RAB23: variants seen among roughly 807,000 people sequenced by gnomAD.
RAB23 encodes the protein ras-related protein Rab-23.
Under a neutral mutation model 30.0 loss-of-function variants are expected in RAB23, and 15 were observed. The observed-to-expected ratio is 0.50, with a 90% CI of 0.33 to 0.77. The LOEUF is 0.77. Among genes scored for constraint, RAB23 ranks in the 30% least tolerant of loss-of-function variants. RAB23 has a pLI of 0.02. For missense variants in RAB23, 243 were observed against 275.4 expected, an observed-to-expected ratio of 0.88 and a Z score of 0.83; for synonymous variants, 93 against 94.0, an observed-to-expected ratio of 0.99 and a Z score of 0.06.
chr6:57,201,557 T>G (rs1305592360), intron 3 of RAB23, among the ~76,000 whole-genome samples: 1 of 152,210 alleles, frequency 6.6e-6, no homozygotes, highest in East Asian at 1.9e-4. Context: ...CTTCAACAAC[T>G]TTGCACTCTT....
At chr6:57,215,219 G>C (rs1227548681) in intron 1 of RAB23, among the ~76,000 whole-genome samples, 2 of 152,110 alleles carry the variant, frequency 1.3e-5, no homozygotes, top group Admixed American at 6.6e-5. Flanking sequence ...GAGGAGAGGA[G>C]AAAGAAGATA....
At chr6:57,198,659 C>CAA (rs1304516031) in intron 3 of RAB23, among the ~76,000 whole-genome samples, 1 of 149,400 alleles carries the variant, frequency 6.7e-6, no homozygotes, top group Non-Finnish European at 1.5e-5. Flanking sequence ...CCAGCATGGG[C>CAA]AAAAGGGTGA....
chr6:57,194,524 A>C (rs934811381), intron 5 of RAB23, among the ~76,000 whole-genome samples: 27 of 152,116 alleles, frequency 1.8e-4, no homozygotes, highest in Admixed American at 3.9e-4. Flanking sequence ...TACTCTACAT[A>C]TATAGCTTAC....
intron 1 of RAB23, among the ~76,000 whole-genome samples, chr6:57,217,473 T>A (rs1201072083): frequency 6.6e-6 from 1 of 152,136 alleles, no homozygotes; most frequent in African/African-American, 2.4e-5. Flanking sequence ...CATGCTGGGC[T>A]AATTTTTGTA....
chr6:57,196,395 ATG>A (rs1765022655), intron 4 of RAB23, 53 bp downstream of exon 4: 2 of 1,599,288 alleles, frequency 1.3e-6, no homozygotes, highest in Admixed American at 3.3e-5. Context: ...AAAAATTAAG[ATG>A]TCTTAACTTT....
chr6:57,198,370 T>C (rs1447217243), intron 3 of RAB23, among the ~76,000 whole-genome samples: 3 of 151,900 alleles, frequency 2.0e-5, no homozygotes, highest in Non-Finnish European at 4.4e-5. Context: ...AAAAATTAGC[T>C]GGGTGTGGTG....
At chr6:57,219,415 G>C (rs879886608) in intron 1 of RAB23, among the ~76,000 whole-genome samples, 15 of 152,124 alleles carry the variant, frequency 9.9e-5, no homozygotes, top group Non-Finnish European at 1.0e-4. Flanking sequence ...ATTGATCTAC[G>C]GGTGTAATAC....
chr6:57,194,034 T>TA, intron 5 of RAB23, 100 bp from the exon 6 acceptor site: 2 of 1,493,948 alleles, frequency 1.3e-6, no homozygotes, highest in Non-Finnish European at 1.8e-6. Flanking sequence ...TAAACAAATT[T>TA]AAAGTTACAA....
intron 6 of RAB23, among the ~76,000 whole-genome samples, chr6:57,192,579 C>A (rs1764878427): frequency 6.6e-6 from 1 of 152,168 alleles, no homozygotes; most frequent in South Asian, 2.1e-4. Context: ...GTGCCCTGGG[C>A]TTAGATGTCT....
intron 3 of RAB23, among the ~76,000 whole-genome samples, chr6:57,206,959 A>T (rs1389257518): frequency 6.6e-6 from 1 of 152,228 alleles, no homozygotes; most frequent in Non-Finnish European, 1.5e-5. Flanking sequence ...ATAATGCCAC[A>T]TGGTATTCCA....
At chr6:57,221,464 G>A (rs1766057058) in intron 1 of RAB23, 1 of 152,472 alleles carries the variant, frequency 6.6e-6, no homozygotes, top group Admixed American at 6.5e-5. Context: ...CAAGAAACTA[G>A]GGAAGGGTGG....
At chr6:57,191,426 T>C (rs1764836279) in intron 6 of RAB23, among the ~76,000 whole-genome samples, 1 of 152,182 alleles carries the variant, frequency 6.6e-6, no homozygotes, top group African/African-American at 2.4e-5. Context: ...TCTTTGACGT[T>C]TGGAATCAGC....
chr6:57,217,555 G>A lies in RAB23; in HGVS notation c.-66+4171C>T, dbSNP rs538143662. ...AACTCCTGGCTCAAGTGATCCGCCC[G>A]CCGTGGCCTCCCAAAGTGCTGGGAC... On this transcript the variant is annotated intron_variant, in intron 1 of 6. Coordinates refer to ENST00000468148, the MANE Select transcript of RAB23 (RefSeq NM_016277.5). Among the ~76,000 whole-genome samples the A allele has an allele frequency of 5.9e-5, 9 of 152,258 alleles. No individual in the cohort carries two copies. The East Asian group carries it at 1.4e-3, about 23-fold the overall frequency.
rs534345580 is a variant in RAB23 at position 57,216,778 on chromosome 6, C to T, written c.-66+4948G>A. On this transcript the variant is annotated intron_variant, in intron 1 of 6. Coordinates refer to ENST00000468148, the MANE Select transcript of RAB23 (RefSeq NM_016277.5). Reference sequence around the variant, plus strand: ...TCTGGGAAAGGGATGGGGGAATTCCCAGAACTGAGGGTTCCTCCCTGTTTC... The same window carrying T: ...TCTGGGAAAGGGATGGGGGAATTCCTAGAACTGAGGGTTCCTCCCTGTTTC... Among the ~76,000 whole-genome samples, 31 of 152,168 alleles carry T rather than the reference C, an allele frequency of 2.0e-4. No homozygotes were observed. In the South Asian group the frequency reaches 6.4e-3, roughly 32 times the overall value.
At chr6:57,211,302 TAA>T (rs959637658) in intron 1 of RAB23, among the ~76,000 whole-genome samples, 5 of 151,662 alleles carry the variant, frequency 3.3e-5, no homozygotes, top group African/African-American at 7.3e-5. Context: ...AAAAATAAAA[TAA>T]AATAAATTAG....
At chr6:57,196,270 C>T (rs965282995) in intron 4 of RAB23, among the ~76,000 whole-genome samples, 180 bp downstream of exon 4, 20 of 152,078 alleles carry the variant, frequency 1.3e-4, no homozygotes, top group African/African-American at 4.8e-4. Context: ...ATTTTTTAAC[C>T]CAAACCAATC....
In RAB23 at chr6:57,190,517, T is replaced by G. The variant is rs1196968920; in HGVS notation, c.658A>C (p.Asn220His). ...NGGDVINLRP[N>H]KQRTKKNRNP... ...CTGTTTTTCTTGGTCCTTTGTTTGT[T>G]GGGTCTAAGATTGATGACATCTCCA... is the stretch of plus-strand genomic sequence containing the variant. Residue 220 changes from asparagine (N) to histidine (H), a missense_variant, in exon 7 of 7, where the codon AAC becomes CAC. Coordinates refer to ENST00000468148, the MANE Select transcript of RAB23 (RefSeq NM_016277.5). 1 of 1,613,936 alleles carries G rather than the reference T, an allele frequency of 6.2e-7. No individual in the cohort carries two copies. The highest frequency in any genetic ancestry group is 8.5e-7 in the Non-Finnish European group (1 of 1,179,960).
rs1765032460 is a variant in RAB23, at chr6:57,196,590, CA to C, written c.257del (p.Val86GlyfsTer22). On this transcript the variant is annotated frameshift_variant, in exon 4 of 7. Transcript: ENST00000468148. LOFTEE classifies it high-confidence loss of function. ...CCCTATCTGTGGTAGAGAACACGAG[CA>C]CACAAGCCTGGGCTCCTGTAAGTTC... is the stretch of plus-strand genomic sequence containing the variant. The part of the protein sequence containing the change: ...KAYYRGAQAC[V>X]LVFSTTDRES... 6.2e-7 allele frequency: 1 copy of C among 1,613,746 alleles called. No individual in the cohort carries two copies.
At chr6:57,208,828 C>T (rs1321353632) in intron 2 of RAB23, among the ~76,000 whole-genome samples, 2 of 151,962 alleles carry the variant, frequency 1.3e-5, no homozygotes, top group African/African-American at 4.8e-5. Flanking sequence ...TTTGAGAACC[C>T]CTGGTTACAT....
Sources: gnomAD v4.1 joint callset for allele counts (sites outside exome capture counted in the v4.1 genomes callset) on GRCh38, gnomAD v4.1.1 for gene constraint, MANE v1.5 for transcripts, NCBI Gene and HGNC (gene_info 2026-07-23, HGNC 2026-07-21) for gene names.